ANO4: variants seen among roughly 807,000 people sequenced by gnomAD.
ANO4 encodes anoctamin 4.
Under a neutral mutation model 141.9 loss-of-function variants are expected in ANO4, and 69 were observed. The ratio of observed to expected loss-of-function variants is 0.49; its 90% CI spans 0.40 to 0.59. The LOEUF (loss-of-function observed/expected upper bound fraction) is 0.59, where lower values mean the gene tolerates loss of function less well. ANO4 is among the 20% of genes least tolerant of loss of function. ANO4 has a pLI of 0.00. For synonymous variants in ANO4, 350 were observed against 394.3 expected (o/e 0.89, Z 1.33); for missense variants, 894 against 1,162.2 (o/e 0.77, Z 3.36).
chr12:100,880,754 G>A (rs571689011), intron 1 of ANO4, among the ~76,000 whole-genome samples: 2 of 152,290 alleles, frequency 1.3e-5, no homozygotes, highest in South Asian at 4.1e-4. Flanking sequence ...CCATATGCAA[G>A]ACCTCAGTAA....
intron 14 of ANO4, chr12:101,068,757 C>T: frequency 1.6e-6 from 2 of 1,273,234 alleles, no homozygotes; most frequent in Non-Finnish European, 2.3e-6. Context: ...ACTATATTCA[C>T]ACTGCAGCCT....
chr12:101,029,255 A>G (rs989804521), intron 9 of ANO4, among the ~76,000 whole-genome samples: 16 of 152,198 alleles, frequency 1.1e-4, no homozygotes, highest in African/African-American at 2.7e-4. Context: ...CAATGACACT[A>G]TGAAGAAACT....
intron 5 of ANO4, among the ~76,000 whole-genome samples, chr12:100,946,538 C>T (rs752235929): frequency 6.6e-6 from 1 of 152,156 alleles, no homozygotes; most frequent in Non-Finnish European, 1.5e-5. Flanking sequence ...GAGTCACAGA[C>T]TATTTGTCTG....
intron 1 of ANO4, among the ~76,000 whole-genome samples, chr12:100,797,689 C>T (rs755018436): frequency 2.0e-5 from 3 of 151,888 alleles, no homozygotes; most frequent in Non-Finnish European, 4.4e-5. Flanking sequence ...ATCATCAAAA[C>T]TGTGCTTTCA....
At chr12:100,743,824 A>C (rs1156577198) in intron 3 of ANO4, among the ~76,000 whole-genome samples, 10 of 152,196 alleles carry the variant, frequency 6.6e-5, no homozygotes, top group Admixed American at 6.5e-4. Flanking sequence ...GGTAGTGAGC[A>C]CAGTACCTCA....
chr12:100,763,234 A>G (rs2032949534), intron 3 of ANO4, among the ~76,000 whole-genome samples: 2 of 152,100 alleles, frequency 1.3e-5, no homozygotes, highest in South Asian at 2.1e-4. Flanking sequence ...TGGACTCCAT[A>G]TGGCCACAAG....
At chr12:101,011,982 T>TAA (rs112814019) in intron 8 of ANO4, among the ~76,000 whole-genome samples, 13 of 149,124 alleles carry the variant, frequency 8.7e-5, no homozygotes, top group South Asian at 2.1e-4. Context: ...ATAATATATG[T>TAA]AAAAAAAAAA....
chr12:100,793,871 C>G (rs2135625660), upstream of ANO4, among the ~76,000 whole-genome samples: 1 of 152,284 alleles, frequency 6.6e-6, no homozygotes, highest in East Asian at 1.9e-4. Context: ...AGTTTAGAGT[C>G]CTCCACGCAT....
chr12:100,767,203 G>A (rs1013026676), intron 3 of ANO4, among the ~76,000 whole-genome samples: 3 of 152,064 alleles, frequency 2.0e-5, no homozygotes, highest in Non-Finnish European at 2.9e-5. Flanking sequence ...TACACTTAAA[G>A]TAATTATTGA....
At chr12:101,026,495 A>G (rs572776887) in intron 9 of ANO4, among the ~76,000 whole-genome samples, 1 of 152,326 alleles carries the variant, frequency 6.6e-6, no homozygotes, top group South Asian at 2.1e-4. Context: ...TCAAATTCCC[A>G]GAAGGTGTTT....
At chr12:101,041,270 A>G (rs1274243728) in intron 11 of ANO4, among the ~76,000 whole-genome samples, 1 of 152,238 alleles carries the variant, frequency 6.6e-6, no homozygotes, top group Non-Finnish European at 1.5e-5. Flanking sequence ...AAGTGTTCCA[A>G]GGGCATTGAT....
At chr12:100,773,566 C>T (rs956440192) in intron 3 of ANO4, among the ~76,000 whole-genome samples, 27 of 152,220 alleles carry the variant, frequency 1.8e-4, no homozygotes, top group African/African-American at 5.1e-4. Context: ...TCTTGTACTA[C>T]ATAAGTTTCT....
At chr12:100,922,109 C>A in intron 2 of ANO4, 117 bp from the exon 3 acceptor site, 2 of 564,954 alleles carry the variant, frequency 3.5e-6, no homozygotes, top group Non-Finnish European at 2.8e-6. Flanking sequence ...GAAGGAGGAT[C>A]ATTGGCAAAC....
intron 22 of ANO4, among the ~76,000 whole-genome samples, chr12:101,102,922 T>C (rs1343023121): frequency 6.6e-6 from 1 of 151,816 alleles, no homozygotes; most frequent in Non-Finnish European, 1.5e-5. Flanking sequence ...ATAGGTTTTG[T>C]AAAATTTAGA....
At chr12:100,721,518 C>T (rs1344774414) in intron 1 of ANO4, among the ~76,000 whole-genome samples, 3 of 152,116 alleles carry the variant, frequency 2.0e-5, no homozygotes, top group African/African-American at 7.2e-5. Flanking sequence ...GGTGTGAAGG[C>T]AGCCACTAGT....
intron 21 of ANO4, among the ~76,000 whole-genome samples, chr12:101,098,451 G>T (rs971018782): frequency 2.6e-5 from 4 of 152,174 alleles, no homozygotes; most frequent in Admixed American, 2.6e-4. Flanking sequence ...CTTCTATTCT[G>T]CTTTAATTCC....
chr12:101,116,044 G>C (rs1566270539), intron 24 of ANO4, among the ~76,000 whole-genome samples: 1 of 152,170 alleles, frequency 6.6e-6, no homozygotes, highest in Non-Finnish European at 1.5e-5. Flanking sequence ...TACAGAGAGA[G>C]GGAAAGGAGT....
intron 11 of ANO4, among the ~76,000 whole-genome samples, chr12:101,040,566 A>G (rs2047373169): frequency 6.6e-6 from 1 of 152,226 alleles, no homozygotes; most frequent in African/African-American, 2.4e-5. Flanking sequence ...AAAGTATATC[A>G]GCTTTTAACC....
At chr12:101,036,638 A>G (rs528178981) in intron 9 of ANO4, among the ~76,000 whole-genome samples, 2 of 152,304 alleles carry the variant, frequency 1.3e-5, no homozygotes, top group South Asian at 4.1e-4. Context: ...GTAGAATCTT[A>G]AAAAGCCAAA....
Sources: allele counts gnomAD v4.1 joint callset (sites outside exome capture counted in the v4.1 genomes callset), GRCh38; gene constraint gnomAD v4.1.1; transcripts MANE v1.5; gene names NCBI Gene and HGNC (gene_info 2026-07-23, HGNC 2026-07-21).